Variants in SYNGR4 observed in about 807,000 individuals in gnomAD.
SYNGR4 encodes synaptogyrin-4.
SYNGR4 carries 15 observed loss-of-function variants against 15.5 expected under a neutral mutation model. That is an observed-to-expected ratio of 0.97 (90% confidence interval 0.65 to 1.49). The LOEUF (loss-of-function observed/expected upper bound fraction) is 1.49. Among genes scored for constraint, SYNGR4 ranks in the 40% most tolerant of loss-of-function variants. The probability of loss-of-function intolerance (pLI) is 0.00; values close to 1 mark genes in which losing one functional copy is unlikely to be tolerated. For missense variants in SYNGR4, 292 were observed against 299.3 expected, an observed-to-expected ratio of 0.98 and a Z score of 0.18; for synonymous variants, 121 against 127.4, an observed-to-expected ratio of 0.95 and a Z score of 0.34.
Position 48,376,143 on chromosome 19 carries a change from A to C in SYNGR4, c.530A>C (p.Lys177Thr), listed in dbSNP as rs200876196. 9.1e-5 allele frequency: 147 copies of C among 1,613,988 alleles called. No homozygotes were observed. The highest frequency in any genetic ancestry group is 1.6e-4 in the Middle Eastern group (1 of 6,062). The change falls in exon 5 of 5, where the codon AAG becomes ACG. Residue 177 changes from lysine to threonine, a missense_variant. By Grantham distance (78) the Lys-to-Thr change is moderately conservative. Coordinates refer to ENST00000344846, the MANE Select transcript of SYNGR4 (RefSeq NM_012451.4). ...CGAAATGATGCTCCAGTCCCTTACAAGCGCTTCCTGGATGAGGGTGGCATG... is the reference window on the plus strand; with the variant it reads ...CGAAATGATGCTCCAGTCCCTTACACGCGCTTCCTGGATGAGGGTGGCATG... Reference protein sequence around the residue: ...DLRNDAPVPYKRFLDEGGMVL... With the variant: ...DLRNDAPVPYTRFLDEGGMVL...
rs75670885 is a variant in SYNGR4 at position 48,375,919 on chromosome 19, G to A, written c.472-166G>A. On this transcript the variant is annotated intron_variant, in intron 4 of 4. Transcript: ENST00000344846. Reference sequence around the variant, plus strand: ...TTCCAGGTGCCGCTTCCTCTGAGCAGCCACAGCCCAGCATCAGGGCCTGTG... The same window carrying A: ...TTCCAGGTGCCGCTTCCTCTGAGCAACCACAGCCCAGCATCAGGGCCTGTG... 2.2e-3 allele frequency: 3,313 copies of A among 1,513,636 alleles called. 62 individuals carry two copies. The African/African-American group carries it at 0.042, about 19-fold the overall frequency. 93.8% of individuals were successfully genotyped at this position (1,513,636 alleles called of 1,614,324 possible). A position where few individuals can be genotyped will look rare whatever the true frequency, so the allele number is the denominator to read the frequency against.
chr19:48,372,627 G>A (rs1463756951), intron 2 of SYNGR4, among the ~76,000 whole-genome samples: 1 of 151,982 alleles, frequency 6.6e-6, no homozygotes, highest in African/African-American at 2.4e-5. Context: ...CTCCAGCCTG[G>A]GTGACAGCCA....
chr19:48,374,271 G>T (rs1970365543), intron 3 of SYNGR4, among the ~76,000 whole-genome samples: 1 of 151,926 alleles, frequency 6.6e-6, no homozygotes, highest in East Asian at 1.9e-4. Context: ...AGTAGAGACG[G>T]GGTTTCAGTG....
intron 2 of SYNGR4, among the ~76,000 whole-genome samples, chr19:48,371,258 G>T (rs1403145407): frequency 1.3e-5 from 2 of 152,100 alleles, no homozygotes; most frequent in African/African-American, 4.8e-5. Context: ...TGTTCTTTAA[G>T]GTCCAGTTCA....
At chr19:48,365,378 C>T (rs77343333) in intron 1 of SYNGR4, among the ~76,000 whole-genome samples, 5 of 78,764 alleles carry the variant, frequency 6.3e-5, no homozygotes, top group East Asian at 1.0e-3. Flanking sequence ...CCATCCTATG[C>T]CTCCCACTTC....
At chr19:48,365,428 C>G (rs1346033493) in intron 1 of SYNGR4, among the ~76,000 whole-genome samples, 7 of 88,676 alleles carry the variant, frequency 7.9e-5, no homozygotes, top group African/African-American at 2.7e-4. Context: ...AACCCCATTC[C>G]TGGGACCCCC....
At chr19:48,375,928 C>T in intron 4 of SYNGR4, 157 bp from the exon 5 acceptor site, 1 of 1,518,156 alleles carries the variant, frequency 6.6e-7, no homozygotes, top group Non-Finnish European at 8.8e-7. Flanking sequence ...AGCCACAGCC[C>T]AGCATCAGGG....
rs572576969 is a variant in SYNGR4, at chr19:48,365,762, C to T, written c.-81C>T. 1.9e-3 allele frequency: 2,795 copies of T among 1,473,056 alleles called. 6 individuals are homozygous for T. Among genetic ancestry groups the T allele is most frequent in the Non-Finnish European group, 2.0e-3 (2,111 of 1,062,442 alleles). 91.2% of individuals were successfully genotyped at this position (1,473,056 alleles called of 1,614,324 possible). A position where few individuals can be genotyped will look rare whatever the true frequency, so the allele number is the denominator to read the frequency against. ...AGCCAAGCCCAGGGCTGGCCTGAAG[C>T]CCCCGGACGGCAGTGCCCAGCAGGC... On this transcript the variant is annotated 5_prime_UTR_variant, in exon 2 of 5. Coordinates refer to ENST00000344846, the MANE Select transcript of SYNGR4 (RefSeq NM_012451.4).
chr19:48,373,675 CG>C lies in SYNGR4; in HGVS notation c.253del (p.Val85SerfsTer103). ...CCTTCCTCAGCTGCCTGGCCTTCCTCGTCCTGGACACACAGGAGACCCGCAT... is the reference window on the plus strand; with the variant it reads ...CCTTCCTCAGCTGCCTGGCCTTCCTCTCCTGGACACACAGGAGACCCGCAT... Reference protein sequence around the residue: ...LAFLSCLAFLVLDTQETRIAG... With the variant: ...LAFLSCLAFLXLDTQETRIAG... On this transcript the variant is annotated frameshift_variant, in exon 3 of 5. Transcript: ENST00000344846. LOFTEE classifies it high-confidence loss of function. 3 of 1,613,978 alleles carry C rather than the reference CG, an allele frequency of 1.9e-6. No individual in the cohort carries two copies. The highest frequency in any genetic ancestry group is 2.5e-6 in the Non-Finnish European group (3 of 1,180,030).
At chr19:48,376,011 CA>C (rs1308086349) in intron 4 of SYNGR4, 73 bp from the exon 5 acceptor site, 18 of 1,607,926 alleles carry the variant, frequency 1.1e-5, no homozygotes, top group Non-Finnish European at 1.4e-5. Flanking sequence ...CTTCCCAGGC[CA>C]GTCCCCAGCC....
chr19:48,366,106 A>G (rs1434294770), intron 2 of SYNGR4, among the ~76,000 whole-genome samples, 171 bp downstream of exon 2: 2 of 152,202 alleles, frequency 1.3e-5, no homozygotes, highest in African/African-American at 2.4e-5. Flanking sequence ...TATAGGCCCT[A>G]TGCTATTGAG....
intron 3 of SYNGR4, 134 bp from the exon 4 acceptor site, chr19:48,375,479 A>G (rs1268348125): frequency 5.3e-6 from 6 of 1,138,852 alleles, no homozygotes; most frequent in Non-Finnish European, 7.5e-6. Flanking sequence ...CATAGAAGCT[A>G]ATAAAAAAAG....
chr19:48,375,002 T>C (rs1276841966), intron 3 of SYNGR4, among the ~76,000 whole-genome samples: 1 of 148,250 alleles, frequency 6.7e-6, no homozygotes, highest in East Asian at 2.0e-4. Context: ...AAAAAAGAAA[T>C]GTGGCCAGTG....
chr19:48,368,828 T>C (rs78431799), intron 2 of SYNGR4, among the ~76,000 whole-genome samples: 12,012 of 152,258 alleles, frequency 0.079, 1,581 homozygotes, highest in African/African-American at 0.27. Context: ...CTGGTGTTAG[T>C]TTCTCTACTC....
intron 2 of SYNGR4, among the ~76,000 whole-genome samples, chr19:48,370,073 C>T (rs564028654): frequency 6.6e-6 from 1 of 152,132 alleles, no homozygotes; most frequent in Admixed American, 6.6e-5. Context: ...GTTTAGGGGT[C>T]CGTTCTTTGC....
At position 48,373,614 on chromosome 19, in the gene SYNGR4, T is replaced by A. The variant is rs775730905; in HGVS notation, c.191T>A (p.Val64Glu). The change falls in exon 3 of 5, where the codon GTG (valine) becomes GAG (glutamate). Residue 64 changes from valine to glutamate, a missense_variant. Physicochemically the swap from Val to Glu is moderately radical, Grantham distance 121. Transcript: ENST00000344846. ...CACTGCATTCTCAACAGCAACAGCG[T>A]GGCCTGCAGCTTTGCCGTGGGAGCC... Reference protein sequence around the residue: ...QLHCILNSNSVACSFAVGAGF... With the variant: ...QLHCILNSNSEACSFAVGAGF... 3.2e-5 allele frequency: 51 copies of A among 1,613,918 alleles called. No homozygotes were observed. Among genetic ancestry groups the A allele is most frequent in the East Asian group, 4.5e-5 (2 of 44,882 alleles).
intron 2 of SYNGR4, 106 bp downstream of exon 2, chr19:48,366,041 G>C: frequency 8.3e-7 from 1 of 1,211,796 alleles, no homozygotes; most frequent in East Asian, 2.4e-5. Flanking sequence ...GGGGTCAGAC[G>C]GGGAAACAAG....
rs112088613 is a variant in SYNGR4 at position 48,373,631 on chromosome 19, G to A, written c.208G>A (p.Val70Met). Residue 70 changes from valine to methionine, a missense_variant, in exon 3 of 5, where the codon GTG becomes ATG. By Grantham distance (21) the Val-to-Met change is conservative. Transcript: ENST00000344846. ...NSNSVACSFA[V>M]GAGFLAFLSC... ...CAACAGCGTGGCCTGCAGCTTTGCCGTGGGAGCCGGCTTCCTGGCCTTCCT... is the reference window on the plus strand; with the variant it reads ...CAACAGCGTGGCCTGCAGCTTTGCCATGGGAGCCGGCTTCCTGGCCTTCCT... 1.3e-3 allele frequency: 2,131 copies of A among 1,613,784 alleles called. 20 individuals are homozygous for A. The African/African-American group carries it at 0.02, about 15-fold the overall frequency.
chr19:48,374,818 A>C (rs1286473318), intron 3 of SYNGR4, among the ~76,000 whole-genome samples: 2 of 151,986 alleles, frequency 1.3e-5, no homozygotes, highest in Non-Finnish European at 2.9e-5. Flanking sequence ...TCCACTAAAA[A>C]TACAAAAATT....
Sources: gnomAD v4.1 joint callset for allele counts (sites outside exome capture counted in the v4.1 genomes callset) on GRCh38, gnomAD v4.1.1 for gene constraint, MANE v1.5 for transcripts, NCBI Gene and HGNC (gene_info 2026-07-23, HGNC 2026-07-21) for gene names.